The following BRD10 variants were observed in gnomAD, a reference collection of about 807,000 sequenced individuals.
BRD10 encodes the protein uncharacterized bromodomain-containing protein 10.
chr9:5,965,868 A>G, the BRD10 span, among the ~76,000 whole-genome samples: 7 of 152,248 alleles, frequency 4.6e-5, no homozygotes, highest in Admixed American at 1.3e-4. Context: ...AAAGAAGAAC[A>G]GGGTAAAGCC....
chr9:5,892,391 A>G, the BRD10 span: 2 of 1,259,884 alleles, frequency 1.6e-6, no homozygotes, highest in Non-Finnish European at 2.2e-6. Context: ...GGTCTTTATG[A>G]GATGATGAAT....
chr9:5,992,444 A>C, the BRD10 span, among the ~76,000 whole-genome samples: 99 of 152,336 alleles, frequency 6.5e-4, no homozygotes, highest in African/African-American at 2.3e-3. Flanking sequence ...CAGTGAATAA[A>C]ATAAGATAAA....
chr9:5,895,421 C>A, the BRD10 span, among the ~76,000 whole-genome samples: 2 of 151,556 alleles, frequency 1.3e-5, no homozygotes, highest in East Asian at 3.9e-4. Flanking sequence ...AAATCCAGAT[C>A]CTGCACAATG....
At chr9:5,922,550 A>G in the BRD10 span, 1 of 1,614,000 alleles carries the variant, frequency 6.2e-7, no homozygotes, top group Non-Finnish European at 8.5e-7. Flanking sequence ...AACTGATGCT[A>G]AAGAAGAATT....
At chr9:5,892,513 C>T in the BRD10 span, 1 of 1,613,822 alleles carries the variant, frequency 6.2e-7, no homozygotes, top group East Asian at 2.2e-5. Context: ...ATGGTTACCC[C>T]AAGAAGGGGC....
chr9:5,964,423 T>G, the BRD10 span, among the ~76,000 whole-genome samples: 3 of 151,222 alleles, frequency 2.0e-5, no homozygotes, highest in East Asian at 3.9e-4. Context: ...CTGGAGAGGA[T>G]GTGGAGAAAT....
chr9:5,906,605 C>T, the BRD10 span, among the ~76,000 whole-genome samples: 7 of 152,198 alleles, frequency 4.6e-5, no homozygotes, highest in Non-Finnish European at 1.0e-4. Context: ...TTATCCTTCC[C>T]TTCAGAAATA....
chr9:5,982,847 T>G, the BRD10 span, among the ~76,000 whole-genome samples: 12 of 152,250 alleles, frequency 7.9e-5, no homozygotes, highest in African/African-American at 2.9e-4. Flanking sequence ...GATTGGCATC[T>G]GGGGAGGATG....
the BRD10 span, chr9:5,898,276 T>G: frequency 6.6e-6 from 1 of 152,582 alleles, no homozygotes; most frequent in Non-Finnish European, 1.5e-5. Flanking sequence ...CTCAAACTCC[T>G]GGGCTAAAGT....
the BRD10 span, chr9:5,919,824 T>C: frequency 1.9e-6 from 3 of 1,613,776 alleles, no homozygotes; most frequent in Non-Finnish European, 2.5e-6. Context: ...GGAGTATTTA[T>C]GGTATTCAAA....
At chr9:5,906,587 C>A in the BRD10 span, among the ~76,000 whole-genome samples, 1 of 152,212 alleles carries the variant, frequency 6.6e-6, no homozygotes, top group Non-Finnish European at 1.5e-5. Context: ...TTTGTAGATT[C>A]ACTCTTCTTA....
chr9:5,999,009 G>A, the BRD10 span, among the ~76,000 whole-genome samples: 1 of 151,858 alleles, frequency 6.6e-6, no homozygotes, highest in Non-Finnish European at 1.5e-5. Context: ...GTATTAAACT[G>A]TTACAAATAT....
chr9:5,880,937 T>C, the BRD10 span, among the ~76,000 whole-genome samples: 1 of 152,040 alleles, frequency 6.6e-6, no homozygotes, highest in Admixed American at 6.6e-5. Context: ...ACCCCTGACC[T>C]CATGATCCAC....
the BRD10 span, among the ~76,000 whole-genome samples, chr9:5,893,129 C>T: frequency 6.6e-6 from 1 of 152,168 alleles, no homozygotes; most frequent in Non-Finnish European, 1.5e-5. Flanking sequence ...TGTATACTGG[C>T]GTGAGACACT....
chr9:5,959,677 C>G, the BRD10 span, among the ~76,000 whole-genome samples: 3 of 152,158 alleles, frequency 2.0e-5, no homozygotes, highest in African/African-American at 7.2e-5. Context: ...GCTATCACTA[C>G]AGAACTATAT....
the BRD10 span, among the ~76,000 whole-genome samples, chr9:6,006,731 G>T: frequency 5.9e-5 from 9 of 152,192 alleles, no homozygotes; most frequent in African/African-American, 2.2e-4. Flanking sequence ...GACCGACATG[G>T]GTAGTAAATG....
the BRD10 span, among the ~76,000 whole-genome samples, chr9:5,883,949 G>C: frequency 6.6e-6 from 1 of 152,198 alleles, no homozygotes; most frequent in Non-Finnish European, 1.5e-5. Context: ...CTCCCTGAGA[G>C]AAAGAATTAT....
the BRD10 span, among the ~76,000 whole-genome samples, chr9:5,991,178 G>A: frequency 2.7e-5 from 1 of 37,252 alleles, no homozygotes; most frequent in East Asian, 3.6e-4. Flanking sequence ...GTGTGTGTGT[G>A]TGTATATATA....
chr9:5,908,491 T>C, the BRD10 span: 7 of 706,404 alleles, frequency 9.9e-6, no homozygotes, highest in South Asian at 3.8e-5. Flanking sequence ...AATTTAACAA[T>C]TACTTCACTG....
Sources: gnomAD v4.1 joint callset for allele counts (sites outside exome capture counted in the v4.1 genomes callset) on GRCh38, gnomAD v4.1.1 for gene constraint, MANE v1.5 for transcripts, NCBI Gene and HGNC (gene_info 2026-07-23, HGNC 2026-07-21) for gene names.